Variants in NLRP1 observed in about 807,000 individuals in gnomAD.
The protein encoded by NLRP1 is NACHT, LRR and PYD domains-containing protein 1.
Under a neutral mutation model 136.7 loss-of-function variants are expected in NLRP1, and 94 were observed. The observed-to-expected ratio is 0.69, with a 90% confidence interval of 0.58 to 0.82. NLRP1 has a LOEUF of 0.82. Among genes scored for constraint, NLRP1 ranks in the 40% least tolerant of loss-of-function variants. The probability of loss-of-function intolerance (pLI) is 0.00; values close to 1 mark genes in which losing one functional copy is unlikely to be tolerated. For missense variants in NLRP1, 1,575 were observed against 1,802.7 expected, an observed-to-expected ratio of 0.87 and a Z score of 2.29; for synonymous variants, 690 against 725.1, an observed-to-expected ratio of 0.95 and a Z score of 0.78.
chr17:5,549,413 G>C (rs561393184), intron 5 of NLRP1, among the ~76,000 whole-genome samples: 2 of 152,182 alleles, frequency 1.3e-5, no homozygotes, highest in African/African-American at 4.8e-5. Flanking sequence ...TGAGTAGCTG[G>C]GACTGTGGGC....
At position 5,517,360 on chromosome 17, in the gene NLRP1, CT is replaced by C. The variant is rs1369456907; in HGVS notation, c.4057+385del. Among the ~76,000 whole-genome samples, 443 of 74,810 alleles carry C rather than the reference CT, an allele frequency of 5.9e-3. 39 individuals carry two copies. The highest frequency in any genetic ancestry group is 0.018 in the Middle Eastern group (3 of 168). The allele number at this position is 74,810 out of a possible 152,430, so 49.1% of individuals were successfully genotyped here. ...GATAGTGCACTCTGCACCCCCCCCC[CT>C]CCCACATACACAGACTTTCTTCCAT... On this transcript the variant is annotated intron_variant, in intron 15 of 16. Transcript: ENST00000572272.
At chr17:5,517,464 T>G (rs1045805073) in intron 15 of NLRP1, among the ~76,000 whole-genome samples, 1 of 151,400 alleles carries the variant, frequency 6.6e-6, no homozygotes, top group Non-Finnish European at 1.5e-5. Context: ...CTCAGCTCAC[T>G]GCAACCTCCG....
At chr17:5,548,016 C>G (rs1408424274) in intron 5 of NLRP1, among the ~76,000 whole-genome samples, 2 of 152,138 alleles carry the variant, frequency 1.3e-5, no homozygotes, top group East Asian at 3.9e-4. Context: ...TCTGGCTAAC[C>G]CTGAATTCTG....
chr17:5,547,263 A>G (rs78870158), intron 5 of NLRP1, among the ~76,000 whole-genome samples: 7,133 of 152,142 alleles, frequency 0.047, 188 homozygotes, highest in Middle Eastern at 0.085. Flanking sequence ...CAGCATACAT[A>G]ACCCTAAATA....
chr17:5,527,117 A>G (rs11649978), intron 12 of NLRP1, among the ~76,000 whole-genome samples: 11,603 of 152,304 alleles, frequency 0.076, 591 homozygotes, highest in South Asian at 0.18. Context: ...AGCTAAAAGC[A>G]GCCTCTGTGC....
At chr17:5,544,183 T>A (rs568442314) in intron 5 of NLRP1, among the ~76,000 whole-genome samples, 2 of 152,296 alleles carry the variant, frequency 1.3e-5, no homozygotes, top group African/African-American at 4.8e-5. Flanking sequence ...CCACTCAACC[T>A]CAGCCCAGTG....
At chr17:5,576,947 G>A (rs1469165797) in intron 3 of NLRP1, among the ~76,000 whole-genome samples, 1 of 152,140 alleles carries the variant, frequency 6.6e-6, no homozygotes, top group Non-Finnish European at 1.5e-5. Flanking sequence ...GGATGCTAAG[G>A]CTGGTTCAAC....
chr17:5,525,446 G>C (rs1021734073), intron 12 of NLRP1, among the ~76,000 whole-genome samples: 2 of 152,214 alleles, frequency 1.3e-5, no homozygotes, highest in Non-Finnish European at 1.5e-5. Flanking sequence ...TGCTGTCCAG[G>C]AGCCTGGGGA....
intron 5 of NLRP1, among the ~76,000 whole-genome samples, chr17:5,542,709 CA>C (rs1228262475): frequency 6.6e-6 from 1 of 150,730 alleles, no homozygotes; most frequent in Non-Finnish European, 1.5e-5. Flanking sequence ...GAATTTTGCC[CA>C]TTTCCCTCCC....
At chr17:5,519,445 C>CTT (rs74550306) in intron 14 of NLRP1, among the ~76,000 whole-genome samples, 6 of 131,766 alleles carry the variant, frequency 4.6e-5, no homozygotes, top group African/African-American at 1.1e-4. Context: ...CACACCTGGC[C>CTT]TTTTTTTTTT....
At chr17:5,533,014 G>C (rs964768698) in intron 10 of NLRP1, 30 bp from the exon 11 acceptor site, 1 of 1,592,482 alleles carries the variant, frequency 6.3e-7, no homozygotes, top group Non-Finnish European at 8.5e-7. Context: ...GTCAGCTCCA[G>C]ATTCTCCCGC....
At chr17:5,528,045 C>T (rs1054422713) in intron 12 of NLRP1, among the ~76,000 whole-genome samples, 3 of 152,234 alleles carry the variant, frequency 2.0e-5, no homozygotes, top group African/African-American at 4.8e-5. Context: ...TGAGGTTTCT[C>T]CTGGAATACC....
At chr17:5,572,183 G>A (rs1483483055) in intron 3 of NLRP1, among the ~76,000 whole-genome samples, 1 of 152,114 alleles carries the variant, frequency 6.6e-6, no homozygotes, top group Non-Finnish European at 1.5e-5. Flanking sequence ...CTGAACATAG[G>A]TCCTGGCAAA....
intron 3 of NLRP1, among the ~76,000 whole-genome samples, chr17:5,580,934 GTTTA>G (rs1458954169): frequency 2.6e-5 from 4 of 152,102 alleles, no homozygotes; most frequent in African/African-American, 9.7e-5. Flanking sequence ...TAAAACATGA[GTTTA>G]TTTATTTTTT....
At chr17:5,565,366 T>C (rs1915226896) in intron 3 of NLRP1, among the ~76,000 whole-genome samples, 1 of 152,232 alleles carries the variant, frequency 6.6e-6, no homozygotes, top group African/African-American at 2.4e-5. Flanking sequence ...TTGAGCTCCT[T>C]ATATATTCTG....
intron 5 of NLRP1, among the ~76,000 whole-genome samples, chr17:5,544,192 T>C (rs1009379984): frequency 2.6e-5 from 4 of 152,128 alleles, no homozygotes. Flanking sequence ...CTCAGCCCAG[T>C]GATTATTGCC....
At chr17:5,530,980 T>C (rs1910163233) in intron 11 of NLRP1, among the ~76,000 whole-genome samples, 1 of 152,236 alleles carries the variant, frequency 6.6e-6, no homozygotes, top group African/African-American at 2.4e-5. Flanking sequence ...ACTTAATGCA[T>C]GCTCACAGCT....
intron 3 of NLRP1, among the ~76,000 whole-genome samples, chr17:5,562,262 G>T (rs1013706863): frequency 3.3e-5 from 5 of 152,256 alleles, no homozygotes; most frequent in African/African-American, 1.2e-4. Context: ...TCCTAGCTGA[G>T]CAGGACTTGC....
At chr17:5,534,663 T>C (rs1910789108) in intron 8 of NLRP1, among the ~76,000 whole-genome samples, 1 of 152,208 alleles carries the variant, frequency 6.6e-6, no homozygotes, top group Admixed American at 6.5e-5. Flanking sequence ...TCTCCCTGCT[T>C]CTGCTCGGGT....
Sources: gnomAD v4.1 joint callset for allele counts (sites outside exome capture counted in the v4.1 genomes callset) on GRCh38, gnomAD v4.1.1 for gene constraint, MANE v1.5 for transcripts, NCBI Gene and HGNC (gene_info 2026-07-23, HGNC 2026-07-21) for gene names.